FOCAD: variants seen among roughly 807,000 people sequenced by gnomAD.
The protein encoded by FOCAD is KIAA1797.
Under a neutral mutation model 225.6 loss-of-function variants are expected in FOCAD, and 198 were observed. That is an observed-to-expected ratio of 0.88 (90% CI 0.78 to 0.99). FOCAD has a LOEUF of 0.99. Ranked by LOEUF, FOCAD falls within the 50% of genes least tolerant of loss-of-function variation. FOCAD has a pLI of 0.00. For missense variants in FOCAD, 2,713 were observed against 2,123.6 expected (o/e 1.28, Z -5.46); for synonymous variants, 897 against 755.0 (o/e 1.19, Z -3.08).
At chr9:20,898,223 A>C (rs1832266614) in intron 21 of FOCAD, among the ~76,000 whole-genome samples, 1 of 151,736 alleles carries the variant, frequency 6.6e-6, no homozygotes, top group Admixed American at 6.6e-5. Context: ...GGTTTTTGGC[A>C]TTTATCCTAC....
intron 15 of FOCAD, among the ~76,000 whole-genome samples, chr9:20,846,730 C>G (rs924714228): frequency 6.6e-6 from 1 of 152,046 alleles, no homozygotes; most frequent in Non-Finnish European, 1.5e-5. Flanking sequence ...CAGCCTAGTG[C>G]TGAAAATGGA....
At chr9:20,893,126 A>G (rs1831771265) in intron 21 of FOCAD, among the ~76,000 whole-genome samples, 1 of 152,124 alleles carries the variant, frequency 6.6e-6, no homozygotes, top group South Asian at 2.1e-4. Context: ...CCTGGGCCCA[A>G]GGGATCCTTC....
upstream of FOCAD, among the ~76,000 whole-genome samples, chr9:20,655,812 C>T (rs2131241591): frequency 6.6e-6 from 1 of 152,164 alleles, no homozygotes; most frequent in Admixed American, 6.5e-5. Flanking sequence ...TTCTTGCCTT[C>T]TGCTAGATTT....
At chr9:20,722,399 G>C (rs1825860709) in intron 4 of FOCAD, among the ~76,000 whole-genome samples, 1 of 152,192 alleles carries the variant, frequency 6.6e-6, no homozygotes, top group South Asian at 2.1e-4. Flanking sequence ...TTCTCTGTCT[G>C]ACATCATCTT....
intron 41 of FOCAD, among the ~76,000 whole-genome samples, chr9:20,989,044 C>T (rs1034260169): frequency 4.6e-5 from 7 of 152,172 alleles, no homozygotes; most frequent in South Asian, 4.1e-4. Flanking sequence ...ATTAATAAGA[C>T]GAAGACAGCT....
At chr9:20,666,043 C>T (rs1433536577) in intron 2 of FOCAD, among the ~76,000 whole-genome samples, 1 of 152,024 alleles carries the variant, frequency 6.6e-6, no homozygotes, top group African/African-American at 2.4e-5. Context: ...AACAGGCACC[C>T]GCCACCACGC....
intron 37 of FOCAD, among the ~76,000 whole-genome samples, chr9:20,978,705 A>G (rs1253363382): frequency 6.6e-6 from 1 of 152,226 alleles, no homozygotes; most frequent in Non-Finnish European, 1.5e-5. Context: ...GAGATATTAA[A>G]GTTCCTTTCT....
At position 20,949,612 on chromosome 9, in the gene FOCAD, AG is replaced by A; in HGVS notation, c.3886del (p.Glu1296LysfsTer19). On this transcript the variant is annotated frameshift_variant, in exon 33 of 44. Transcript: ENST00000338382. LOFTEE classifies it high-confidence loss of function. The stretch of plus-strand genomic sequence containing the variant: ...TCTTCTTATTCTTTCAGCTGAAATC[AG>A]AAGCCATCCAGACCTCTCATTTTCA... ...SEGDVMQLKSEAIQTSHFQGR... is the reference protein window; with the variant it reads ...SEGDVMQLKSXAIQTSHFQGR... 1 of 1,613,172 alleles carries A rather than the reference AG, an allele frequency of 6.2e-7. No homozygotes were observed. Among genetic ancestry groups the A allele is most frequent in the African/African-American group, 1.3e-5 (1 of 75,024 alleles).
At chr9:20,824,624 A>C (rs1432011866) in intron 15 of FOCAD, among the ~76,000 whole-genome samples, 1 of 152,036 alleles carries the variant, frequency 6.6e-6, no homozygotes, top group Non-Finnish European at 1.5e-5. Flanking sequence ...ATTTTTAGGC[A>C]CTAGTGTACA....
chr9:20,725,420 A>G (rs902751110), intron 4 of FOCAD, among the ~76,000 whole-genome samples: 3 of 152,212 alleles, frequency 2.0e-5, no homozygotes, highest in African/African-American at 7.2e-5. Flanking sequence ...ACTATCCTTC[A>G]GGAACTGAGA....
At chr9:20,943,305 A>C (rs1381317774) in intron 28 of FOCAD, among the ~76,000 whole-genome samples, 1 of 152,208 alleles carries the variant, frequency 6.6e-6, no homozygotes, top group African/African-American at 2.4e-5. Flanking sequence ...CTTCTTTACG[A>C]AGGATTTTTG....
At chr9:20,832,356 T>C (rs1382609808) in intron 15 of FOCAD, among the ~76,000 whole-genome samples, 2 of 152,076 alleles carry the variant, frequency 1.3e-5, no homozygotes, top group African/African-American at 4.8e-5. Flanking sequence ...TGGATAGATG[T>C]TACCACTGAA....
chr9:20,978,369 T>A lies in FOCAD; in HGVS notation c.4292T>A (p.Ile1431Asn), dbSNP rs775005886. The change falls in exon 37 of 44, where the codon ATT becomes AAT. Residue 1431 changes from isoleucine (I) to asparagine (N), a missense_variant. Physicochemically the swap from Ile to Asn is moderately radical, Grantham distance 149. Coordinates refer to ENST00000338382, the MANE Select transcript of FOCAD (RefSeq NM_001375567.1). ...GEEIQQLCLE[I>N]MVTQAQSSQN... ...GAGATCCAGCAACTGTGCCTTGAAA[T>A]TATGGTGACCCAGGCACAGTCATCC... The A allele has an allele frequency of 6.2e-7, 1 of 1,610,046 alleles. No homozygotes were observed. Among genetic ancestry groups the A allele is most frequent in the Non-Finnish European group, 8.5e-7 (1 of 1,177,794 alleles).
At chr9:20,678,259 T>A (rs1822292022) in intron 2 of FOCAD, among the ~76,000 whole-genome samples, 1 of 152,208 alleles carries the variant, frequency 6.6e-6, no homozygotes, top group Admixed American at 6.5e-5. Context: ...ATTGTCTTGT[T>A]ATTAAGAAAA....
At chr9:20,723,269 C>T (rs972638894) in intron 4 of FOCAD, among the ~76,000 whole-genome samples, 4 of 152,344 alleles carry the variant, frequency 2.6e-5, no homozygotes, top group African/African-American at 9.6e-5. Flanking sequence ...AGGCGAATCA[C>T]TTGAGGTCAG....
At chr9:20,904,194 A>G (rs569247746) in intron 21 of FOCAD, among the ~76,000 whole-genome samples, 2 of 152,060 alleles carry the variant, frequency 1.3e-5, no homozygotes, top group South Asian at 2.1e-4. Context: ...CCTTTTGGCT[A>G]TTGTGAAAGT....
At chr9:20,880,116 T>C (rs1370441633) in intron 19 of FOCAD, among the ~76,000 whole-genome samples, 1 of 152,178 alleles carries the variant, frequency 6.6e-6, no homozygotes, top group Admixed American at 6.6e-5. Flanking sequence ...TCATCTGTTT[T>C]GTGTAAATGA....
chr9:20,825,488 A>C (rs115407834), intron 15 of FOCAD, among the ~76,000 whole-genome samples: 3 of 152,090 alleles, frequency 2.0e-5, no homozygotes, highest in Non-Finnish European at 4.4e-5. Flanking sequence ...TACTGTTTAG[A>C]TCCTTGACTA....
At chr9:20,854,962 A>G (rs1828021098) in intron 15 of FOCAD, among the ~76,000 whole-genome samples, 3 of 151,802 alleles carry the variant, frequency 2.0e-5, no homozygotes, top group Admixed American at 2.0e-4. Context: ...AATTCAACTA[A>G]TTTTCACAGA....
Sources: gnomAD v4.1 joint callset for allele counts (sites outside exome capture counted in the v4.1 genomes callset) on GRCh38, gnomAD v4.1.1 for gene constraint, MANE v1.5 for transcripts, NCBI Gene and HGNC (gene_info 2026-07-23, HGNC 2026-07-21) for gene names.